The following ABLIM3 variants were observed in gnomAD, a reference collection of about 807,000 sequenced individuals.
ABLIM3 encodes the protein actin binding LIM protein family member 3.
In ABLIM3, 61 loss-of-function variants were observed where a neutral mutation model predicts 109.5. That is an observed-to-expected ratio of 0.56 (90% CI 0.45 to 0.69). The LOEUF is 0.69. ABLIM3 is among the 30% of genes least tolerant of loss of function. ABLIM3 has a pLI of 0.00. For missense variants in ABLIM3, 796 were observed against 889.5 expected (o/e 0.89, Z 1.34); for synonymous variants, 300 against 324.8 (o/e 0.92, Z 0.82).
intron 2 of ABLIM3, among the ~76,000 whole-genome samples, chr5:149,142,416 G>A (rs998446142): frequency 6.6e-5 from 10 of 152,200 alleles, no homozygotes; most frequent in African/African-American, 2.2e-4. Context: ...TCTGACTGTG[G>A]GGGCTCTGAG....
At chr5:149,200,871 G>C (rs552681335) in intron 5 of ABLIM3, among the ~76,000 whole-genome samples, 7 of 152,186 alleles carry the variant, frequency 4.6e-5, no homozygotes, top group Admixed American at 1.3e-4. Flanking sequence ...GTGCCTCTTA[G>C]AGTGTTCCAT....
Position 149,212,449 on chromosome 5 carries a change from A to G in ABLIM3, c.669+1630A>G, listed in dbSNP as rs189723019. Among the ~76,000 whole-genome samples the G allele has an allele frequency of 4.1e-3, 626 of 152,170 alleles. 6 individuals are homozygous for G. The highest frequency in any genetic ancestry group is 0.015 in the African/African-American group (606 of 41,506). ...TGGTTAGAGCTGGGCTTCTGGGAGGATGACGTGATAATGTACACAGGCTAC... is the reference window on the plus strand; with the variant it reads ...TGGTTAGAGCTGGGCTTCTGGGAGGGTGACGTGATAATGTACACAGGCTAC... On this transcript the variant is annotated intron_variant, in intron 7 of 23. Coordinates refer to ENST00000309868, the MANE Select transcript of ABLIM3 (RefSeq NM_014945.5).
intron 11 of ABLIM3, among the ~76,000 whole-genome samples, chr5:149,238,371 A>C (rs982617689): frequency 1.3e-5 from 2 of 152,182 alleles, no homozygotes; most frequent in South Asian, 2.1e-4. Context: ...AACTAGCCTC[A>C]TAACCTCAGG....
intron 2 of ABLIM3, among the ~76,000 whole-genome samples, chr5:149,168,072 C>T (rs1754988691): frequency 6.6e-6 from 1 of 152,210 alleles, no homozygotes. Flanking sequence ...TACACACACA[C>T]CATTTGTGAC....
At chr5:149,250,807 C>T (rs1178621200) in intron 20 of ABLIM3, among the ~76,000 whole-genome samples, 2 of 152,206 alleles carry the variant, frequency 1.3e-5, no homozygotes, top group Non-Finnish European at 2.9e-5. Flanking sequence ...GAGGCAGTTA[C>T]TATCATTTAC....
At chr5:149,173,215 A>G (rs1235722759) in intron 2 of ABLIM3, among the ~76,000 whole-genome samples, 1 of 152,220 alleles carries the variant, frequency 6.6e-6, no homozygotes, top group Non-Finnish European at 1.5e-5. Flanking sequence ...ATCACTTCCA[A>G]TGAGCTTCTA....
At chr5:149,142,893 A>G (rs753663968) in intron 2 of ABLIM3, among the ~76,000 whole-genome samples, 1 of 151,882 alleles carries the variant, frequency 6.6e-6, no homozygotes, top group Non-Finnish European at 1.5e-5. Flanking sequence ...TTGGTTCCAG[A>G]CTCACTCTCC....
At chr5:149,184,789 G>T (rs1756795978) in intron 3 of ABLIM3, among the ~76,000 whole-genome samples, 2 of 152,174 alleles carry the variant, frequency 1.3e-5, no homozygotes, top group Admixed American at 6.5e-5. Flanking sequence ...ATGCACCTGA[G>T]AGTGACTTCC....
At chr5:149,187,059 G>T (rs1162155465) in intron 3 of ABLIM3, among the ~76,000 whole-genome samples, 3 of 152,006 alleles carry the variant, frequency 2.0e-5, no homozygotes, top group Non-Finnish European at 4.4e-5. Flanking sequence ...ATATGAGAAG[G>T]TGGTAAAAAT....
chr5:149,182,330 T>G (rs1456340814), intron 2 of ABLIM3, among the ~76,000 whole-genome samples: 2 of 152,236 alleles, frequency 1.3e-5, no homozygotes, highest in Non-Finnish European at 2.9e-5. Flanking sequence ...TAATAAGGTA[T>G]GAGCAGAAGT....
At position 149,209,521 on chromosome 5, in the gene ABLIM3, C is replaced by T. The variant is rs114061374; in HGVS notation, c.576-1205C>T. 6.3e-3 allele frequency among the ~76,000 whole-genome samples: 959 copies of T among 152,334 alleles called. 12 individuals are homozygous for T. The highest frequency in any genetic ancestry group is 0.022 in the African/African-American group (907 of 41,570). Reference sequence around the variant, plus strand: ...GCACCCAATAACTGCCCAGTAAATACTCATTTTACCATCCTCTTTTAGAAT... The same window carrying T: ...GCACCCAATAACTGCCCAGTAAATATTCATTTTACCATCCTCTTTTAGAAT... On this transcript the variant is annotated intron_variant, in intron 6 of 23. Transcript: ENST00000309868.
chr5:149,201,561 C>T (rs1758492903), intron 5 of ABLIM3, among the ~76,000 whole-genome samples: 1 of 152,198 alleles, frequency 6.6e-6, no homozygotes, highest in African/African-American at 2.4e-5. Context: ...CCTCCCTTGC[C>T]TGCTCTTCCT....
chr5:149,170,271 C>CCTCT (rs143290105), intron 2 of ABLIM3, among the ~76,000 whole-genome samples: 1,433 of 107,558 alleles, frequency 0.013, 28 homozygotes, highest in African/African-American at 0.046. Flanking sequence ...TCTCCTTCTC[C>CCTCT]CTCTCTCTCT....
chr5:149,142,052 G>A lies in ABLIM3; in HGVS notation c.-44G>A. On this transcript the variant is annotated 5_prime_UTR_variant, in exon 2 of 24. Transcript: ENST00000309868. ...AGAACGGAAGATTTAAAAAGCAGCC[G>A]GGGCCTCCGTATTGAATGAAAGACC... The A allele has an allele frequency of 1.2e-6, 2 of 1,614,058 alleles. No individual in the cohort carries two copies. The highest frequency in any genetic ancestry group is 1.1e-5 in the South Asian group (1 of 91,068).
chr5:149,176,223 C>T (rs768523228), intron 2 of ABLIM3, among the ~76,000 whole-genome samples: 18 of 152,254 alleles, frequency 1.2e-4, no homozygotes, highest in Middle Eastern at 3.4e-3. Flanking sequence ...AAGCTGACAT[C>T]CCTGGCCCTG....
chr5:149,240,247 A>G (rs1581216930), intron 13 of ABLIM3, among the ~76,000 whole-genome samples: 1 of 152,114 alleles, frequency 6.6e-6, no homozygotes. Flanking sequence ...ACTGGCCTTC[A>G]CCCAAGGGCC....
chr5:149,201,707 C>T (rs1758506325), intron 5 of ABLIM3, among the ~76,000 whole-genome samples: 1 of 152,210 alleles, frequency 6.6e-6, no homozygotes, highest in South Asian at 2.1e-4. Flanking sequence ...TTATCCTTCA[C>T]AGCTCCTTGA....
intron 2 of ABLIM3, among the ~76,000 whole-genome samples, chr5:149,163,374 T>C (rs1448040142): frequency 6.6e-6 from 1 of 151,992 alleles, no homozygotes; most frequent in Admixed American, 6.6e-5. Flanking sequence ...TCCTTTATGC[T>C]ATTTAAAATA....
intron 5 of ABLIM3, among the ~76,000 whole-genome samples, chr5:149,201,522 A>G (rs1158165348): frequency 6.6e-5 from 10 of 152,006 alleles, no homozygotes; most frequent in Non-Finnish European, 1.5e-5. Flanking sequence ...AGCTATGGTG[A>G]GCTGAGGAGA....
Sources: gnomAD v4.1 joint callset for allele counts (sites outside exome capture counted in the v4.1 genomes callset) on GRCh38, gnomAD v4.1.1 for gene constraint, MANE v1.5 for transcripts, NCBI Gene and HGNC (gene_info 2026-07-23, HGNC 2026-07-21) for gene names.